Variants in EIF2AK4 observed in about 807,000 individuals in gnomAD.
EIF2AK4 encodes the protein eIF-2-alpha kinase GCN2.
Under a neutral mutation model 211.1 loss-of-function variants are expected in EIF2AK4, and 139 were observed. The observed-to-expected ratio is 0.66, with a 90% CI of 0.57 to 0.76. EIF2AK4 has a LOEUF of 0.76. Among genes scored for constraint, EIF2AK4 ranks in the 30% least tolerant of loss-of-function variants. EIF2AK4 has a pLI of 0.00. For synonymous variants in EIF2AK4, 710 were observed against 751.3 expected (o/e 0.94, Z 0.90); for missense variants, 1,664 against 2,043.8 (o/e 0.81, Z 3.58).
At chr15:40,011,802 C>T (rs963426404) in intron 27 of EIF2AK4, among the ~76,000 whole-genome samples, 2 of 152,182 alleles carry the variant, frequency 1.3e-5, no homozygotes, top group African/African-American at 4.8e-5. Flanking sequence ...AAAGCTCTAG[C>T]TTTTCTGGTA....
chr15:40,031,731 CTTT>C (rs201986933), intron 35 of EIF2AK4, among the ~76,000 whole-genome samples: 5 of 148,944 alleles, frequency 3.4e-5, no homozygotes, highest in African/African-American at 1.2e-4. Context: ...AGCAAATCTT[CTTT>C]TTTTTTTTTG....
intron 28 of EIF2AK4, 86 bp downstream of exon 28, chr15:40,016,758 T>G: frequency 7.0e-7 from 1 of 1,434,228 alleles, no homozygotes; most frequent in Non-Finnish European, 9.5e-7. Flanking sequence ...TCACTAATGC[T>G]AGTTAGTGTT....
intron 27 of EIF2AK4, 134 bp from the exon 28 acceptor site, chr15:40,016,368 C>T (rs767716827): frequency 8.9e-7 from 1 of 1,128,870 alleles, no homozygotes; most frequent in Non-Finnish European, 1.3e-6. Context: ...GTGGCAAAGC[C>T]TAAAATAATC....
chr15:40,024,403 CTT>C lies in EIF2AK4; in HGVS notation c.4390-1552_4390-1551del, dbSNP rs554877205. On this transcript the variant is annotated intron_variant, in intron 32 of 38. Coordinates refer to ENST00000263791, the MANE Select transcript of EIF2AK4 (RefSeq NM_001013703.4). Reference sequence around the variant, plus strand: ...TACACAGTCACTAGGTTGAGTTTTCCTTTTTTTTTTTTTTTTTTTTTTTGAGA... The same window carrying C: ...TACACAGTCACTAGGTTGAGTTTTCCTTTTTTTTTTTTTTTTTTTTTGAGA... Among the ~76,000 whole-genome samples the C allele has an allele frequency of 5.6e-3, 504 of 90,744 alleles. 3 individuals are homozygous for C. The highest frequency in any genetic ancestry group is 0.017 in the African/African-American group (396 of 23,342). The allele number at this position is 90,744 out of a possible 152,430, so 59.5% of individuals were successfully genotyped here.
chr15:40,009,739 T>C lies in EIF2AK4; in HGVS notation c.3693+9T>C. ...TTCTGTATGATGCTGTGGTAAGCAT[T>C]TAATTACTTATGATGTTGAAAGATA... On this transcript the variant is annotated intron_variant, in intron 26 of 38. Coordinates refer to ENST00000263791, the MANE Select transcript of EIF2AK4 (RefSeq NM_001013703.4). 6.7e-7 allele frequency: 1 copy of C among 1,486,548 alleles called. No homozygotes were observed. The highest frequency in any genetic ancestry group is 9.3e-7 in the Non-Finnish European group (1 of 1,076,830). 92.1% of individuals were successfully genotyped at this position (1,486,548 alleles called of 1,614,324 possible).
intron 13 of EIF2AK4, among the ~76,000 whole-genome samples, chr15:39,985,065 G>A (rs1227250303): frequency 2.0e-5 from 3 of 152,098 alleles, no homozygotes; most frequent in Non-Finnish European, 4.4e-5. Flanking sequence ...GCATGAAGGG[G>A]TGTTGAATTT....
At chr15:39,980,710 G>A (rs1566993074) in intron 13 of EIF2AK4, among the ~76,000 whole-genome samples, 1 of 152,060 alleles carries the variant, frequency 6.6e-6, no homozygotes, top group Non-Finnish European at 1.5e-5. Flanking sequence ...ATTTTAAGAG[G>A]CAGGGTCTCC....
chr15:39,956,819 A>G (rs580836), intron 6 of EIF2AK4, among the ~76,000 whole-genome samples: 54,452 of 152,002 alleles, frequency 0.36, 11,329 homozygotes, highest in East Asian at 0.82. Flanking sequence ...CTTTGCTTCC[A>G]TGAAAAGAAA....
At chr15:40,020,801 C>T in intron 30 of EIF2AK4, 98 bp from the exon 31 acceptor site, 1 of 1,062,018 alleles carries the variant, frequency 9.4e-7, no homozygotes, top group Non-Finnish European at 1.3e-6. Flanking sequence ...CAAGAATGCC[C>T]ATCTTCCCAA....
At position 39,990,377 on chromosome 15, in the gene EIF2AK4, TGTAA is replaced by T; in HGVS notation, c.2631+4_2631+7del. ...TGGCGACAGACCATCTAGCCTTTTC[TGTAA>T]GTATTTTAAAAATTAGACTGTACCT... On this transcript the variant is annotated splice_donor_variant and splice_donor_region_variant and intron_variant, in intron 16 of 38. Coordinates refer to ENST00000263791, the MANE Select transcript of EIF2AK4 (RefSeq NM_001013703.4). LOFTEE classifies it high-confidence loss of function. 1 of 1,612,982 alleles carries T rather than the reference TGTAA, an allele frequency of 6.2e-7. No homozygotes were observed. The highest frequency in any genetic ancestry group is 1.1e-5 in the South Asian group (1 of 90,946).
At chr15:40,006,009 C>G (rs1424279760) in intron 23 of EIF2AK4, among the ~76,000 whole-genome samples, 1 of 151,496 alleles carries the variant, frequency 6.6e-6, no homozygotes, top group Non-Finnish European at 1.5e-5. Flanking sequence ...AAAAGCAAAA[C>G]TTGAACTTGT....
At chr15:39,987,871 C>A in intron 14 of EIF2AK4, 112 bp from the exon 15 acceptor site, 1 of 1,214,260 alleles carries the variant, frequency 8.2e-7, no homozygotes. Context: ...TTCCCCTAAC[C>A]GTTTAAAACC....
At chr15:39,993,728 G>A (rs753978079) in intron 18 of EIF2AK4, among the ~76,000 whole-genome samples, 1 of 152,244 alleles carries the variant, frequency 6.6e-6, no homozygotes, top group Non-Finnish European at 1.5e-5. Context: ...TGGATAAGGA[G>A]TGTGCATTTA....
Position 40,020,857 on chromosome 15 carries a change from A to C in EIF2AK4, c.4174-42A>C, listed in dbSNP as rs141432565. On this transcript the variant is annotated intron_variant, in intron 30 of 38. Transcript: ENST00000263791. ...ATGCTGGTTTCACTTCCATGCCTGC[A>C]GTCTTGCTCCTCTAACTGTAACCGG... The C allele has an allele frequency of 1.0e-5, 16 of 1,538,466 alleles. No individual in the cohort carries two copies. The African/African-American group carries it at 1.2e-4, about 12-fold the overall frequency.
At chr15:39,983,503 C>T (rs2034823193) in intron 13 of EIF2AK4, among the ~76,000 whole-genome samples, 2 of 151,248 alleles carry the variant, frequency 1.3e-5, no homozygotes, top group Admixed American at 6.6e-5. Context: ...AGTGCAATAG[C>T]ACGATCTCAG....
At chr15:39,973,246 A>G (rs750948705) in intron 10 of EIF2AK4, among the ~76,000 whole-genome samples, 16 of 152,124 alleles carry the variant, frequency 1.1e-4, no homozygotes, top group Non-Finnish European at 2.1e-4. Flanking sequence ...TGTAGTGTTT[A>G]GTCACCCATA....
At chr15:39,991,898 A>G in intron 16 of EIF2AK4, 1 of 271,640 alleles carries the variant, frequency 3.7e-6, no homozygotes. Flanking sequence ...CATTTGCAAC[A>G]TGAAAATAAA....
intron 32 of EIF2AK4, 56 bp from the exon 33 acceptor site, chr15:40,025,921 C>T: frequency 3.9e-6 from 6 of 1,527,566 alleles, no homozygotes; most frequent in Non-Finnish European, 5.4e-6. Context: ...GTGCTCTGAG[C>T]TAGTCTTCTG....
Position 39,992,168 on chromosome 15 carries a change from T to C in EIF2AK4, c.2632-7T>C. The C allele has an allele frequency of 6.2e-7, 1 of 1,610,722 alleles. No individual in the cohort carries two copies. Among genetic ancestry groups the C allele is most frequent in the East Asian group, 2.2e-5 (1 of 44,818 alleles). ...TAATTGGATATTTGGCTTACTTATA[T>C]TTTTAGGCTGACAGCAAACAAGACG... On this transcript the variant is annotated splice_region_variant and splice_polypyrimidine_tract_variant and intron_variant, in intron 16 of 38. Coordinates refer to ENST00000263791, the MANE Select transcript of EIF2AK4 (RefSeq NM_001013703.4).
Sources: allele counts gnomAD v4.1 joint callset (sites outside exome capture counted in the v4.1 genomes callset), GRCh38; gene constraint gnomAD v4.1.1; transcripts MANE v1.5; gene names NCBI Gene and HGNC (gene_info 2026-07-23, HGNC 2026-07-21).